Variants in SLC25A26 observed in about 807,000 individuals in gnomAD.
SLC25A26 encodes mitochondrial S-adenosylmethionine carrier protein.
SLC25A26 carries 36 observed loss-of-function variants against 37.8 expected under a neutral mutation model. The observed-to-expected ratio is 0.95, with a 90% CI of 0.73 to 1.26. The LOEUF is 1.26. Among genes scored for constraint, SLC25A26 ranks in the 50% most tolerant of loss-of-function variants. The pLI is 0.00. For synonymous variants in SLC25A26, 129 were observed against 122.5 expected (o/e 1.05, Z -0.35); for missense variants, 390 against 331.1 (o/e 1.18, Z -1.38).
Position 66,377,164 on chromosome 3 carries a change from A to T in SLC25A26, c.708-526A>T, listed in dbSNP as rs995325421. 2.0e-5 allele frequency among the ~76,000 whole-genome samples: 3 copies of T among 152,324 alleles called. No individual in the cohort carries two copies. The East Asian group carries it at 5.8e-4, about 29-fold the overall frequency. On this transcript the variant is annotated intron_variant, in intron 9 of 9. Coordinates refer to ENST00000354883, the MANE Select transcript of SLC25A26 (RefSeq NM_001379210.1). ...CTACATTGCACCTTGGCTGGTTAGC[A>T]GCACCTTCTGTGATACCAAGGGGAC...
intron 1 of SLC25A26, among the ~76,000 whole-genome samples, chr3:66,208,969 G>C (rs1442698812): frequency 1.1e-4 from 1 of 9,268 alleles, no homozygotes; most frequent in East Asian, 3.3e-3. Context: ...CCCATATAAA[G>C]GTGTGTATAT....
intron 5 of SLC25A26, among the ~76,000 whole-genome samples, chr3:66,317,092 A>G (rs1349959001): frequency 6.6e-6 from 1 of 152,214 alleles, no homozygotes; most frequent in African/African-American, 2.4e-5. Flanking sequence ...CATCTTCTGA[A>G]GCCTTCTTCT....
intron 5 of SLC25A26, among the ~76,000 whole-genome samples, chr3:66,266,167 A>ATAAAAGACCC (rs11268873): frequency 0.52 from 78,864 of 151,642 alleles, 22,395 homozygotes; most frequent in African/African-American, 0.76. Flanking sequence ...ATGCATATTT[A>ATAAAAGACCC]TTCAGAGTTG....
intron 5 of SLC25A26, among the ~76,000 whole-genome samples, chr3:66,332,946 T>G (rs1047937020): frequency 6.6e-6 from 1 of 152,214 alleles, no homozygotes; most frequent in Admixed American, 6.5e-5. Context: ...ACATACACTT[T>G]TTTTTCAGGA....
chr3:66,347,952 C>T (rs1441435293), intron 6 of SLC25A26, among the ~76,000 whole-genome samples: 1 of 152,142 alleles, frequency 6.6e-6, no homozygotes, highest in Non-Finnish European at 1.5e-5. Context: ...AGAAGAACAA[C>T]ACACAATGAC....
At chr3:66,274,951 C>T (rs1296250646) in intron 5 of SLC25A26, among the ~76,000 whole-genome samples, 2 of 151,970 alleles carry the variant, frequency 1.3e-5, no homozygotes, top group African/African-American at 4.8e-5. Context: ...CACATGCAAA[C>T]GTATGTTTAT....
chr3:66,139,262 A>G (rs2069997347), intron 1 of SLC25A26, among the ~76,000 whole-genome samples: 1 of 152,166 alleles, frequency 6.6e-6, no homozygotes, highest in South Asian at 2.1e-4. Flanking sequence ...TTGCTTTGCA[A>G]AGCAGGGTTG....
intron 9 of SLC25A26, among the ~76,000 whole-genome samples, chr3:66,375,361 A>G (rs1416877167): frequency 1.3e-5 from 2 of 152,236 alleles, no homozygotes; most frequent in Admixed American, 6.5e-5. Flanking sequence ...CACTAACACT[A>G]AACAACAGAT....
upstream of SLC25A26, chr3:66,220,829 C>G: frequency 1.8e-6 from 1 of 549,286 alleles, no homozygotes; most frequent in Non-Finnish European, 3.2e-6. Context: ...CTCCGTCTAG[C>G]TGCACACAAC....
rs114003155 is a variant in SLC25A26, at chr3:66,350,729, C to T, written c.498+4321C>T. Among the ~76,000 whole-genome samples the T allele has an allele frequency of 2.5e-3, 381 of 152,150 alleles. 2 individuals carry two copies. The highest frequency in any genetic ancestry group is 8.9e-3 in the African/African-American group (370 of 41,544). On this transcript the variant is annotated intron_variant, in intron 6 of 9. Coordinates refer to ENST00000354883, the MANE Select transcript of SLC25A26 (RefSeq NM_001379210.1). ...GTGTGTGTGTGAGCGCGCGCGTGCG[C>T]GCACACCCACACGCACACACAAAAT...
At chr3:66,214,537 G>T (rs1283876996) in intron 1 of SLC25A26, among the ~76,000 whole-genome samples, 4 of 152,046 alleles carry the variant, frequency 2.6e-5, no homozygotes, top group South Asian at 2.1e-4. Context: ...AATATGCTTT[G>T]TTGGTGTTTT....
intron 6 of SLC25A26, among the ~76,000 whole-genome samples, chr3:66,348,679 A>G (rs1162841062): frequency 6.6e-6 from 1 of 152,258 alleles, no homozygotes; most frequent in Admixed American, 6.5e-5. Flanking sequence ...ATTACTCATT[A>G]ACAAAGTAAA....
chr3:66,205,785 C>T (rs1576636868), intron 1 of SLC25A26, among the ~76,000 whole-genome samples: 1 of 152,166 alleles, frequency 6.6e-6, no homozygotes, highest in Admixed American at 6.5e-5. Context: ...AACATTCAAG[C>T]TTACATCCAA....
At chr3:66,189,409 C>A (rs2070893103) in intron 1 of SLC25A26, among the ~76,000 whole-genome samples, 1 of 151,992 alleles carries the variant, frequency 6.6e-6, no homozygotes, top group Non-Finnish European at 1.5e-5. Flanking sequence ...TATCCTAAAG[C>A]TCACCATCAT....
intron 1 of SLC25A26, among the ~76,000 whole-genome samples, chr3:66,174,948 T>G (rs911747493): frequency 6.6e-6 from 1 of 151,664 alleles, no homozygotes; most frequent in Non-Finnish European, 1.5e-5. Context: ...TGAGTAGAAT[T>G]GCATGTGGAC....
intron 5 of SLC25A26, among the ~76,000 whole-genome samples, chr3:66,337,235 C>T (rs919141814): frequency 2.6e-5 from 4 of 152,082 alleles, no homozygotes. Flanking sequence ...TTCTGATATA[C>T]CCAGATGTTC....
At chr3:66,347,297 T>C (rs981668854) in intron 6 of SLC25A26, among the ~76,000 whole-genome samples, 2 of 152,048 alleles carry the variant, frequency 1.3e-5, no homozygotes, top group Non-Finnish European at 2.9e-5. Flanking sequence ...AAGAATCCCA[T>C]TAAAAAGTGA....
chr3:66,211,032 C>G (rs1404185520), intron 1 of SLC25A26, among the ~76,000 whole-genome samples: 1 of 152,206 alleles, frequency 6.6e-6, no homozygotes, highest in Non-Finnish European at 1.5e-5. Flanking sequence ...TACTGGACAG[C>G]TGGTAACATG....
At chr3:66,249,065 G>T (rs565447683) in intron 3 of SLC25A26, among the ~76,000 whole-genome samples, 2 of 152,288 alleles carry the variant, frequency 1.3e-5, no homozygotes, top group African/African-American at 4.8e-5. Flanking sequence ...ACTGGGTGTG[G>T]TGTACCACTT....
Sources: allele counts gnomAD v4.1 joint callset (sites outside exome capture counted in the v4.1 genomes callset), GRCh38; gene constraint gnomAD v4.1.1; transcripts MANE v1.5; gene names NCBI Gene and HGNC (gene_info 2026-07-23, HGNC 2026-07-21).